CAMTA1: variants seen among roughly 807,000 people sequenced by gnomAD.
CAMTA1 encodes the protein calmodulin binding transcription activator 1.
A neutral mutation model predicts 170.9 loss-of-function variants in CAMTA1; 27 were observed. The observed-to-expected ratio is 0.16, with a 90% CI of 0.12 to 0.22. The LOEUF is 0.22. Ranked by LOEUF, CAMTA1 falls within the 10% of genes least tolerant of loss-of-function variation. The pLI is 1.00. For missense variants in CAMTA1, 1,619 were observed against 2,217.2 expected, an observed-to-expected ratio of 0.73 and a Z score of 5.42; for synonymous variants, 833 against 891.5, an observed-to-expected ratio of 0.93 and a Z score of 1.17.
intron 6 of CAMTA1, among the ~76,000 whole-genome samples, chr1:7,543,145 G>A (rs1276976332): frequency 6.6e-6 from 1 of 152,178 alleles, no homozygotes; most frequent in Non-Finnish European, 1.5e-5. Context: ...GGGATTACAG[G>A]TGTGAAACAC....
At chr1:6,994,333 T>G (rs958205952) in intron 3 of CAMTA1, among the ~76,000 whole-genome samples, 2 of 152,218 alleles carry the variant, frequency 1.3e-5, no homozygotes. Context: ...GAATTTCATT[T>G]AACTTTATTT....
At chr1:7,316,878 C>A (rs1677596405) in intron 5 of CAMTA1, among the ~76,000 whole-genome samples, 1 of 152,122 alleles carries the variant, frequency 6.6e-6, no homozygotes, top group Non-Finnish European at 1.5e-5. Context: ...AGTTAGGATT[C>A]CCCCCATACA....
Position 7,397,757 on chromosome 1 carries a change from T to C in CAMTA1, c.439-70073T>C, listed in dbSNP as rs1180997588. On this transcript the variant is annotated intron_variant, in intron 5 of 22. Transcript: ENST00000303635. Reference sequence around the variant, plus strand: ...GATCCATTGGTAATTCATGGGCGTGTTGTTTAATTTTCATGTATTCATATG... The same window carrying C: ...GATCCATTGGTAATTCATGGGCGTGCTGTTTAATTTTCATGTATTCATATG... 2.0e-5 allele frequency among the ~76,000 whole-genome samples: 3 copies of C among 152,124 alleles called. No homozygotes were observed. The East Asian group carries it at 5.8e-4, about 29-fold the overall frequency.
chr1:6,899,919 C>A (rs1192607768), intron 3 of CAMTA1, among the ~76,000 whole-genome samples: 1 of 152,212 alleles, frequency 6.6e-6, no homozygotes, highest in Non-Finnish European at 1.5e-5. Context: ...ATACAAGCAT[C>A]TTTGGATTTT....
At chr1:7,199,829 A>C (rs934881728) in intron 4 of CAMTA1, among the ~76,000 whole-genome samples, 6 of 152,218 alleles carry the variant, frequency 3.9e-5, no homozygotes, top group African/African-American at 1.2e-4. Context: ...AAATAACAAT[A>C]AAATGGATAG....
At chr1:6,939,639 C>T (rs905138571) in intron 3 of CAMTA1, among the ~76,000 whole-genome samples, 3 of 152,106 alleles carry the variant, frequency 2.0e-5, no homozygotes, top group Non-Finnish European at 4.4e-5. Context: ...TTCTTCCTCT[C>T]CACCTTCTGC....
chr1:7,249,435 C>T lies in CAMTA1; in HGVS notation c.303-56C>T. 6.6e-7 allele frequency: 1 copy of T among 1,503,988 alleles called. No homozygotes were observed. Among genetic ancestry groups the T allele is most frequent in the South Asian group, 1.3e-5 (1 of 77,442 alleles). 93.2% of individuals were successfully genotyped at this position (1,503,988 alleles called of 1,614,324 possible). On this transcript the variant is annotated intron_variant, in intron 4 of 22. Transcript: ENST00000303635. The surrounding 1 kb of genome is among the most constrained non-coding windows in gnomAD (Gnocchi z 4.4). ...TTTACTGGTCGATGATATCTTTCTT[C>T]ATAAATTTTTCTTCTACTTGGTACT...
chr1:6,853,037 C>A (rs528562797), intron 3 of CAMTA1: 1 of 152,094 alleles, frequency 6.6e-6, no homozygotes, highest in African/African-American at 2.4e-5. Flanking sequence ...ATATATGTTT[C>A]TTATTATATC....
rs1223783029 is a variant in CAMTA1, at chr1:7,467,910, C to A, written c.510+9C>A. ...GCTACTGGCTCCTTCAGGTAGGTGG[C>A]TGGGACTGGATTCTTCTTCTGTCTC... On this transcript the variant is annotated intron_variant, in intron 6 of 22. Transcript: ENST00000303635. 1.7e-5 allele frequency: 28 copies of A among 1,609,896 alleles called. No individual in the cohort carries two copies. The highest frequency in any genetic ancestry group is 2.4e-5 in the Non-Finnish European group (28 of 1,176,256).
intron 3 of CAMTA1, among the ~76,000 whole-genome samples, chr1:6,856,890 C>T (rs1274407547): frequency 6.6e-6 from 1 of 151,736 alleles, no homozygotes; most frequent in Non-Finnish European, 1.5e-5. Context: ...GGGAAGAGCT[C>T]GGCATGTCTG....
intron 5 of CAMTA1, among the ~76,000 whole-genome samples, chr1:7,332,707 G>A (rs541865853): frequency 2.0e-5 from 3 of 152,350 alleles, no homozygotes; most frequent in Admixed American, 2.0e-4. Flanking sequence ...TACTTGGTGA[G>A]CCAATCCATA....
At chr1:7,276,303 A>ATATATAATTTTTTTT in intron 5 of CAMTA1, among the ~76,000 whole-genome samples, 1 of 24,228 alleles carries the variant, frequency 4.1e-5, no homozygotes, top group African/African-American at 3.0e-4. Context: ...ATATATATAT[A>ATATATAATTTTTTTT]TTTTTTTTTT....
chr1:7,497,462 A>G (rs2093848063), intron 6 of CAMTA1, among the ~76,000 whole-genome samples: 2 of 152,202 alleles, frequency 1.3e-5, no homozygotes, highest in African/African-American at 4.8e-5. Flanking sequence ...GCCCATCTAG[A>G]GAACAGGAAT....
At chr1:7,655,678 TACACACCTATACAC>T (rs1558066839) in intron 7 of CAMTA1, among the ~76,000 whole-genome samples, 23 of 131,348 alleles carry the variant, frequency 1.8e-4, no homozygotes, top group African/African-American at 5.0e-4. Flanking sequence ...CACACACTGA[TACACACCTATACAC>T]ACACACCTAT....
chr1:6,898,158 T>C (rs1676061397), intron 3 of CAMTA1, among the ~76,000 whole-genome samples: 1 of 152,210 alleles, frequency 6.6e-6, no homozygotes, highest in African/African-American at 2.4e-5. Context: ...CTTAAATATT[T>C]GTTAAAATTG....
chr1:7,740,301 C>A (rs899535151), intron 16 of CAMTA1, among the ~76,000 whole-genome samples: 1 of 152,214 alleles, frequency 6.6e-6, no homozygotes, highest in Non-Finnish European at 1.5e-5. Flanking sequence ...AGCACCAAAG[C>A]AGCCTTAGCA....
intron 7 of CAMTA1, 22 bp downstream of exon 7, chr1:7,640,575 G>A: frequency 6.2e-7 from 1 of 1,613,870 alleles, no homozygotes. Context: ...TGGCCGGCCT[G>A]GCGCCCCCAC....
intron 1 of CAMTA1, among the ~76,000 whole-genome samples, chr1:6,785,978 G>A (rs909536215): frequency 7.3e-5 from 11 of 151,062 alleles, no homozygotes; most frequent in African/African-American, 2.7e-4. Context: ...CACGGTGGGG[G>A]CCGCGGGGCG....
intron 4 of CAMTA1, among the ~76,000 whole-genome samples, chr1:7,158,804 G>T (rs1280450969): frequency 1.3e-5 from 2 of 152,116 alleles, no homozygotes; most frequent in East Asian, 3.8e-4. Flanking sequence ...TCTATCTTTG[G>T]ATTCATGCAC....
Sources: allele counts gnomAD v4.1 joint callset (sites outside exome capture counted in the v4.1 genomes callset), GRCh38; gene constraint gnomAD v4.1.1; non-coding constraint Gnocchi (gnomAD v3.1); transcripts MANE v1.5; gene names NCBI Gene and HGNC (gene_info 2026-07-23, HGNC 2026-07-21).